Variants in RGS8 observed in about 807,000 individuals in gnomAD.
The protein encoded by RGS8 is regulator of G-protein signaling 8.
Under a neutral mutation model 21.7 loss-of-function variants are expected in RGS8, and 8 were observed. The ratio of observed to expected loss-of-function variants is 0.37; its 90% CI spans 0.22 to 0.66. The LOEUF (loss-of-function observed/expected upper bound fraction) is 0.66. RGS8 is among the 30% of genes least tolerant of loss of function. The pLI, the probability that RGS8 is intolerant of heterozygous loss-of-function variation, is 0.59. For synonymous variants in RGS8, 80 were observed against 83.6 expected (o/e 0.96, Z 0.24); for missense variants, 157 against 217.9 (o/e 0.72, Z 1.76).
the RGS8 span, among the ~76,000 whole-genome samples, chr1:182,735,713 T>G: frequency 3.3e-5 from 5 of 152,238 alleles, no homozygotes; most frequent in African/African-American, 9.6e-5. Context: ...TGCACCAGTT[T>G]GTGATTATAT....
intron 1 of RGS8, among the ~76,000 whole-genome samples, chr1:182,680,006 T>C (rs961740965): frequency 2.0e-5 from 3 of 152,136 alleles, no homozygotes; most frequent in African/African-American, 7.2e-5. Flanking sequence ...AAATCTTTCA[T>C]AGTTTTCAAA....
chr1:182,747,616 A>G, the RGS8 span, among the ~76,000 whole-genome samples: 2 of 152,230 alleles, frequency 1.3e-5, no homozygotes, highest in Non-Finnish European at 2.9e-5. Context: ...ATTTCCAGCC[A>G]GGGAGATATC....
the RGS8 span, among the ~76,000 whole-genome samples, chr1:182,743,816 G>T: frequency 6.9e-4 from 105 of 152,218 alleles, no homozygotes; most frequent in Non-Finnish European, 1.2e-3. Context: ...ACATACACAT[G>T]CATACAACAC....
At chr1:182,739,635 C>T in the RGS8 span, among the ~76,000 whole-genome samples, 1 of 152,144 alleles carries the variant, frequency 6.6e-6, no homozygotes, top group African/African-American at 2.4e-5. Flanking sequence ...TCCCCCTGTC[C>T]CATAGCCTAG....
At chr1:182,724,103 G>C in the RGS8 span, among the ~76,000 whole-genome samples, 4 of 149,608 alleles carry the variant, frequency 2.7e-5, no homozygotes, top group African/African-American at 9.8e-5. Flanking sequence ...GGGAAAAGCA[G>C]ACCCACCCTC....
upstream of RGS8, among the ~76,000 whole-genome samples, chr1:182,688,534 T>G (rs547185351): frequency 2.0e-5 from 3 of 152,218 alleles, no homozygotes; most frequent in Non-Finnish European, 4.4e-5. Context: ...CTATGTTGTC[T>G]TGGCAAAGGG....
At chr1:182,675,290 G>T (rs1368213198), upstream of RGS8, among the ~76,000 whole-genome samples, 1 of 151,976 alleles carries the variant, frequency 6.6e-6, no homozygotes, top group African/African-American at 2.4e-5. Context: ...TTTAAATCTT[G>T]TCATATTTTT....
At chr1:182,739,758 C>T in the RGS8 span, among the ~76,000 whole-genome samples, 1 of 152,062 alleles carries the variant, frequency 6.6e-6, no homozygotes, top group Non-Finnish European at 1.5e-5. Flanking sequence ...AGCGGGCAGC[C>T]CACCCAGAAG....
intron 5 of RGS8, among the ~76,000 whole-genome samples, chr1:182,660,904 T>A (rs1663551089): frequency 6.6e-6 from 1 of 151,908 alleles, no homozygotes; most frequent in Non-Finnish European, 1.5e-5. Context: ...ATATTGGTGC[T>A]GCCTCCCTTG....
At chr1:182,738,641 T>C in the RGS8 span, among the ~76,000 whole-genome samples, 2 of 152,108 alleles carry the variant, frequency 1.3e-5, no homozygotes, top group African/African-American at 4.8e-5. Flanking sequence ...GTAATTAATA[T>C]GAAGTATGGA....
chr1:182,716,134 T>TG, the RGS8 span, among the ~76,000 whole-genome samples: 1 of 151,550 alleles, frequency 6.6e-6, no homozygotes, highest in South Asian at 2.1e-4. Flanking sequence ...TGGTTTTTTT[T>TG]TTTTTCCTAG....
the RGS8 span, among the ~76,000 whole-genome samples, chr1:182,699,083 C>T: frequency 2.0e-5 from 3 of 152,110 alleles, no homozygotes; most frequent in Admixed American, 2.0e-4. Flanking sequence ...TAGGTGGCTG[C>T]GTAGAGGGAG....
At chr1:182,662,098 T>C (rs1663620676) in intron 5 of RGS8, among the ~76,000 whole-genome samples, 1 of 152,192 alleles carries the variant, frequency 6.6e-6, no homozygotes, top group South Asian at 2.1e-4. Context: ...ACAAATATAA[T>C]TGGAAATAAA....
At chr1:182,696,414 G>A in the RGS8 span, among the ~76,000 whole-genome samples, 1 of 152,148 alleles carries the variant, frequency 6.6e-6, no homozygotes, top group African/African-American at 2.4e-5. Context: ...CTGGAATGTA[G>A]TGTCATGATC....
At chr1:182,679,480 C>T (rs1005728478) in intron 1 of RGS8, among the ~76,000 whole-genome samples, 1 of 152,088 alleles carries the variant, frequency 6.6e-6, no homozygotes, top group African/African-American at 2.4e-5. Flanking sequence ...CTCCTCTGTC[C>T]ACCCCATAAA....
At chr1:182,708,681 C>T in the RGS8 span, among the ~76,000 whole-genome samples, 1 of 152,222 alleles carries the variant, frequency 6.6e-6, no homozygotes, top group Non-Finnish European at 1.5e-5. Flanking sequence ...GCATTGAGGC[C>T]CTCAAACCCG....
At chr1:182,696,480 C>A in the RGS8 span, among the ~76,000 whole-genome samples, 2 of 152,116 alleles carry the variant, frequency 1.3e-5, no homozygotes, top group Non-Finnish European at 2.9e-5. Context: ...GTCCCAGCCC[C>A]CCGAGTAGCT....
chr1:182,656,225 G>A (rs982432463), intron 5 of RGS8, among the ~76,000 whole-genome samples: 4 of 152,146 alleles, frequency 2.6e-5, no homozygotes, highest in Admixed American at 1.3e-4. Context: ...GCGTGACTTC[G>A]GAGCCACCCT....
intron 5 of RGS8, among the ~76,000 whole-genome samples, chr1:182,653,588 G>A (rs1336937772): frequency 6.6e-6 from 1 of 152,150 alleles, no homozygotes; most frequent in African/African-American, 2.4e-5. Flanking sequence ...CAGTTACTCA[G>A]GAGGCTGAGG....
Sources: allele counts gnomAD v4.1 joint callset (sites outside exome capture counted in the v4.1 genomes callset), GRCh38; gene constraint gnomAD v4.1.1; transcripts MANE v1.5; gene names NCBI Gene and HGNC (gene_info 2026-07-23, HGNC 2026-07-21).